CYTH2: variants seen among roughly 807,000 people sequenced by gnomAD.
CYTH2 encodes cytohesin 2.
CYTH2 carries 24 observed loss-of-function variants against 55.4 expected under a neutral mutation model. The ratio of observed to expected loss-of-function variants is 0.43; its 90% confidence interval spans 0.31 to 0.61. CYTH2 has a LOEUF of 0.61. Ranked by LOEUF, CYTH2 falls within the 20% of genes least tolerant of loss-of-function variation. The pLI, the probability that CYTH2 is intolerant of heterozygous loss-of-function variation, is 0.08. For synonymous variants in CYTH2, 221 were observed against 209.6 expected (o/e 1.05, Z -0.47); for missense variants, 378 against 533.5 (o/e 0.71, Z 2.87).
intron 1 of CYTH2, chr19:48,469,871 T>G: frequency 4.0e-6 from 2 of 500,632 alleles, no homozygotes; most frequent in African/African-American, 2.0e-5. Flanking sequence ...AGGGGAGAAA[T>G]CTTGGGGGGC....
At chr19:48,470,012 G>A (rs553783866) in intron 1 of CYTH2, 2 of 575,870 alleles carry the variant, frequency 3.5e-6, no homozygotes, top group African/African-American at 1.8e-5. Context: ...CAGTAATGGA[G>A]TCAGAAAACC....
intron 1 of CYTH2, chr19:48,470,036 C>A: frequency 1.7e-6 from 1 of 602,464 alleles, no homozygotes. Context: ...GCCTCAGTCC[C>A]CTTCCAAGTA....
chr19:48,469,941 C>A, intron 1 of CYTH2: 2 of 554,412 alleles, frequency 3.6e-6, no homozygotes, highest in South Asian at 1.5e-5. Flanking sequence ...TCAGTTCCCC[C>A]GGCTGTAGTG....
In CYTH2 at chr19:48,481,651, T is replaced by G. The variant is rs1972046429; in HGVS notation, c.*2441T>G. ...CCTCAGCTTCCCGAGTAGCTGGGAT[T>G]ACAGATGTGAGCCACCGTACCCAGC... On this transcript the variant is annotated 3_prime_UTR_variant, in exon 12 of 12. Coordinates refer to ENST00000452733, the MANE Select transcript of CYTH2 (RefSeq NM_004228.7). 1 of 156,494 alleles carries G rather than the reference T, an allele frequency of 6.4e-6. No homozygotes were observed. The highest frequency in any genetic ancestry group is 1.4e-5 in the Non-Finnish European group (1 of 70,554). The allele number at this position is 156,494 out of a possible 1,614,324, so 9.7% of individuals were successfully genotyped here.
chr19:48,479,266 A>G lies in CYTH2; in HGVS notation c.*56A>G. 6.3e-7 allele frequency: 1 copy of G among 1,591,592 alleles called. No individual in the cohort carries two copies. The highest frequency in any genetic ancestry group is 2.2e-5 in the East Asian group (1 of 44,586). On this transcript the variant is annotated 3_prime_UTR_variant, in exon 12 of 12. Transcript: ENST00000452733. Reference sequence around the variant, plus strand: ...GGAGCTGCCCCGCCTGGGTGGCCGGACCCCTGGGCCTTGGGGCTGTGGATC... The same window carrying G: ...GGAGCTGCCCCGCCTGGGTGGCCGGGCCCCTGGGCCTTGGGGCTGTGGATC...
chr19:48,477,803 C>T (rs539584377), intron 8 of CYTH2: 5 of 497,912 alleles, frequency 1.0e-5, no homozygotes, highest in Non-Finnish European at 1.8e-5. Context: ...GGCCTCCTGC[C>T]CACAGGAGGA....
Position 48,472,436 on chromosome 19 carries a change from G to A in CYTH2, c.346G>A (p.Gly116Arg), listed in dbSNP as rs1569088566. The A allele has an allele frequency of 6.2e-7, 1 of 1,613,168 alleles. No individual in the cohort carries two copies. Among genetic ancestry groups the A allele is most frequent in the Non-Finnish European group, 8.5e-7 (1 of 1,179,968 alleles). The change falls in exon 4 of 12, where the codon GGG becomes AGG. Residue 116 changes from glycine to arginine, a missense_variant. Coordinates refer to ENST00000452733, the MANE Select transcript of CYTH2 (RefSeq NM_004228.7). ...LNKTAIGDYL[G>R]EREELNLAVL... is the part of the protein sequence containing the mutation. ...CAAGACAGCCATCGGGGACTACCTGGGGGAGAGGTACGGTCACCACTCAGC... is the reference window on the plus strand; with the variant it reads ...CAAGACAGCCATCGGGGACTACCTGAGGGAGAGGTACGGTCACCACTCAGC...
At chr19:48,473,217 C>T (rs867415701) in intron 4 of CYTH2, 81 bp from the exon 5 acceptor site, 90 of 1,490,780 alleles carry the variant, frequency 6.0e-5, no homozygotes, top group South Asian at 5.0e-4. Context: ...AGAGGGGGCA[C>T]GACTTCCCCA....
chr19:48,478,661 G>C, intron 11 of CYTH2, 69 bp downstream of exon 11: 1 of 1,327,048 alleles, frequency 7.5e-7, no homozygotes, highest in East Asian at 2.7e-5. Flanking sequence ...GATGGAGGAG[G>C]GGCAGGGGCC....
intron 11 of CYTH2, among the ~76,000 whole-genome samples, 163 bp from the exon 12 acceptor site, chr19:48,478,960 G>A (rs548955159): frequency 1.3e-5 from 2 of 148,264 alleles, no homozygotes; most frequent in East Asian, 2.0e-4. Flanking sequence ...GAGGGGCCGG[G>A]GGCCTGGACT....
At chr19:48,478,728 A>G (rs1971983700) in intron 11 of CYTH2, 136 bp downstream of exon 11, 1 of 754,928 alleles carries the variant, frequency 1.3e-6, no homozygotes, top group Admixed American at 3.8e-5. Flanking sequence ...GGTCTGACGG[A>G]GGAGGGGCTG....
At chr19:48,472,472 C>CCCCACCCCA in intron 4 of CYTH2, 29 bp downstream of exon 4, 1 of 1,569,706 alleles carries the variant, frequency 6.4e-7, no homozygotes, top group Non-Finnish European at 8.7e-7. Context: ...TCCTGTGGGG[C>CCCCACCCCA]CCCTCCCTCC....
intron 8 of CYTH2, 112 bp from the exon 9 acceptor site, chr19:48,477,957 C>T: frequency 8.8e-6 from 7 of 797,714 alleles, no homozygotes; most frequent in Middle Eastern, 7.4e-4. Context: ...TTTGTCTAGG[C>T]CCCAGGAGCC....
At chr19:48,472,570 T>G in intron 4 of CYTH2, 127 bp downstream of exon 4, 1 of 813,458 alleles carries the variant, frequency 1.2e-6, no homozygotes, top group Non-Finnish European at 2.1e-6. Context: ...CCCTGGCAGA[T>G]CAGCCTTCTG....
At position 48,474,472 on chromosome 19, in the gene CYTH2, T is replaced by TTC. The variant is rs951494248; in HGVS notation, c.696+152_696+153dup. 14 of 959,786 alleles carry TTC rather than the reference T, an allele frequency of 1.5e-5. No individual in the cohort carries two copies. In the Admixed American group the frequency reaches 4.3e-4, roughly 30 times the overall value. The allele number at this position is 959,786 out of a possible 1,614,324, so 59.5% of individuals were successfully genotyped here. On this transcript the variant is annotated intron_variant, in intron 7 of 11. Transcript: ENST00000452733. This position sits in a 1 kb window ranked among gnomAD's most constrained non-coding sequence, Gnocchi z 4.9. ...TCATGCCAACTCGTGTGTGATCTTT[T>TTC]TCTCTCTCTCTGGGTGCTTCTCTTC...
chr19:48,475,559 GA>G (rs982924523), intron 8 of CYTH2: 65 of 155,734 alleles, frequency 4.2e-4, no homozygotes, highest in African/African-American at 1.4e-3. Context: ...ATGGAGGGGG[GA>G]GTCTTCGTCA....
chr19:48,477,961 A>G (rs1361194395), intron 8 of CYTH2, 108 bp from the exon 9 acceptor site: 1 of 836,614 alleles, frequency 1.2e-6, no homozygotes, highest in East Asian at 2.6e-5. Flanking sequence ...TCTAGGCCCC[A>G]GGAGCCCCAC....
chr19:48,479,161 C>T lies in CYTH2; in HGVS notation c.1151C>T (p.Ala384Val). Reference protein sequence around the residue: ...VSVDPFYEMLAARKKRISVKK... With the variant: ...VSVDPFYEMLVARKKRISVKK... ...GTGGACCCCTTCTATGAGATGCTGGCAGCGAGAAAGAAGCGGATTTCAGTC... is the reference window on the plus strand; with the variant it reads ...GTGGACCCCTTCTATGAGATGCTGGTAGCGAGAAAGAAGCGGATTTCAGTC... Residue 384 changes from alanine (A) to valine (V), a missense_variant, in exon 12 of 12, where the codon GCA (alanine) becomes GTA (valine). By Grantham distance (64) the Ala-to-Val change is moderately conservative (BLOSUM62 0). Coordinates refer to ENST00000452733, the MANE Select transcript of CYTH2 (RefSeq NM_004228.7). 6.2e-7 allele frequency: 1 copy of T among 1,614,082 alleles called. No homozygotes were observed. The highest frequency in any genetic ancestry group is 8.5e-7 in the Non-Finnish European group (1 of 1,179,980).
At chr19:48,469,979 A>G (rs751429883) in intron 1 of CYTH2, 5 of 554,044 alleles carry the variant, frequency 9.0e-6, no homozygotes, top group Non-Finnish European at 3.5e-6. Context: ...TAGTCCGGAT[A>G]ACCAGGTCCC....
Sources: allele counts gnomAD v4.1 joint callset (sites outside exome capture counted in the v4.1 genomes callset), GRCh38; gene constraint gnomAD v4.1.1; non-coding constraint Gnocchi (gnomAD v3.1); transcripts MANE v1.5; gene names NCBI Gene and HGNC (gene_info 2026-07-23, HGNC 2026-07-21).